Variants in NT5C3B observed in about 807,000 individuals in gnomAD.
NT5C3B encodes the protein 7-methylguanosine phosphate-specific 5'-nucleotidase.
NT5C3B carries 28 observed loss-of-function variants against 32.5 expected under a neutral mutation model. The ratio of observed to expected loss-of-function variants is 0.86; its 90% CI spans 0.64 to 1.18. The LOEUF is 1.18. NT5C3B is among the 50% of genes most tolerant of loss of function. The pLI is 0.00. For missense variants in NT5C3B, 317 were observed against 322.0 expected (o/e 0.98, Z 0.12); for synonymous variants, 138 against 118.0 (o/e 1.17, Z -1.10).
chr17:41,829,053 GCT>G, intron 6 of NT5C3B, 101 bp from the exon 7 acceptor site: 2 of 1,022,230 alleles, frequency 2.0e-6, no homozygotes, highest in South Asian at 1.6e-5. Context: ...ACAGGGTCTT[GCT>G]CTGTTGCCCA....
intron 4 of NT5C3B, 116 bp from the exon 5 acceptor site, chr17:41,832,593 G>T: frequency 1.4e-6 from 1 of 731,038 alleles, no homozygotes. Context: ...CATGGCCAGG[G>T]GCGGTGGCTC....
chr17:41,827,367 T>TA, intron 8 of NT5C3B, 59 bp downstream of exon 8: 1 of 798,480 alleles, frequency 1.3e-6, no homozygotes, highest in Non-Finnish European at 2.2e-6. Context: ...AGGCATTTGT[T>TA]AATGGGCATT....
chr17:41,836,093 G>A (rs1417473608), intron 1 of NT5C3B, 89 bp downstream of exon 1: 17 of 1,345,088 alleles, frequency 1.3e-5, no homozygotes, highest in South Asian at 2.1e-5. Flanking sequence ...GTGAAGCGGC[G>A]GTGCCTCGGT....
At chr17:41,829,213 G>C (rs1486838569) in intron 6 of NT5C3B, among the ~76,000 whole-genome samples, 1 of 151,950 alleles carries the variant, frequency 6.6e-6, no homozygotes, top group Non-Finnish European at 1.5e-5. Flanking sequence ...GTAAAGACGG[G>C]GTTTTCCTCT....
At chr17:41,832,552 T>C (rs1244694490) in intron 4 of NT5C3B, 75 bp from the exon 5 acceptor site, 3 of 1,405,200 alleles carry the variant, frequency 2.1e-6, no homozygotes, top group Non-Finnish European at 3.0e-6. Context: ...CAGCTTAGTA[T>C]GAGAAAAAAG....
rs368019748 is a variant in NT5C3B at position 41,832,438 on chromosome 17, C to T, written c.268G>A (p.Asp90Asn). ...TTCTCCTTGACGGTCCGGTGTGGGT[C>T]GATCTCAATTGGGTAATAGTGGTGA... is the stretch of plus-strand genomic sequence containing the variant. ...LLHHYYPIEIDPHRTVKEKLP... is the reference protein window; with the variant it reads ...LLHHYYPIEINPHRTVKEKLP... The change falls in exon 5 of 9, where the codon GAC (aspartate) becomes AAC (asparagine). Residue 90 changes from aspartate (D) to asparagine (N), a missense_variant. Asp to Asn is a conservative substitution (Grantham distance 23). Coordinates refer to ENST00000435506, the MANE Select transcript of NT5C3B (RefSeq NM_052935.5). 15 of 1,613,598 alleles carry T rather than the reference C, an allele frequency of 9.3e-6. No individual in the cohort carries two copies. The highest frequency in any genetic ancestry group is 1.3e-5 in the Non-Finnish European group (15 of 1,179,802).
intron 6 of NT5C3B, among the ~76,000 whole-genome samples, chr17:41,830,024 C>G (rs1377937329): frequency 2.0e-5 from 3 of 152,158 alleles, no homozygotes; most frequent in East Asian, 3.8e-4. Flanking sequence ...GATGCACAAC[C>G]CTTGAGGGCA....
At chr17:41,833,415 C>T (rs1389650676) in intron 4 of NT5C3B, among the ~76,000 whole-genome samples, 2 of 152,000 alleles carry the variant, frequency 1.3e-5, no homozygotes, top group Non-Finnish European at 1.5e-5. Flanking sequence ...CTCCCGGGTT[C>T]GAGCAATTCT....
intron 4 of NT5C3B, among the ~76,000 whole-genome samples, chr17:41,833,626 T>C (rs2048089536): frequency 6.6e-6 from 1 of 152,130 alleles, no homozygotes; most frequent in African/African-American, 2.4e-5. Flanking sequence ...GCCTGTTTCT[T>C]TATAAGTTAA....
At position 41,835,470 on chromosome 17, in the gene NT5C3B, C is replaced by T. The variant is rs1278745505; in HGVS notation, c.112-198G>A. 27 of 644,602 alleles carry T rather than the reference C, an allele frequency of 4.2e-5. 1 individual carries two copies. In the Middle Eastern group the frequency reaches 9.3e-4, roughly 22 times the overall value. 39.9% of individuals were successfully genotyped at this position (644,602 alleles called of 1,614,324 possible). A position where few individuals can be genotyped will look rare whatever the true frequency, so the allele number is the denominator to read the frequency against. ...TAGTACCCGTTAACCCTGAGGAAAACGCAGTCTCCTAGTGTGGGGGCAAGG... is the reference window on the plus strand; with the variant it reads ...TAGTACCCGTTAACCCTGAGGAAAATGCAGTCTCCTAGTGTGGGGGCAAGG... On this transcript the variant is annotated intron_variant, in intron 2 of 8. Coordinates refer to ENST00000435506, the MANE Select transcript of NT5C3B (RefSeq NM_052935.5).
In NT5C3B at chr17:41,825,296, T is replaced by C; in HGVS notation, c.*227A>G. 1.9e-6 allele frequency: 1 copy of C among 513,290 alleles called. No homozygotes were observed. Among genetic ancestry groups the C allele is most frequent in the Non-Finnish European group, 3.5e-6 (1 of 287,636 alleles). 31.8% of individuals were successfully genotyped at this position (513,290 alleles called of 1,614,324 possible). A position where few individuals can be genotyped will look rare whatever the true frequency, so the allele number is the denominator to read the frequency against. On this transcript the variant is annotated 3_prime_UTR_variant, in exon 9 of 9. Transcript: ENST00000435506. ...GTAGACAATCCCTAGAGCACTGACA[T>C]GCTGTGGTCCAAGGTTCACCAGGAA...
chr17:41,831,319 C>CAAAAAA (rs71155172), intron 5 of NT5C3B, among the ~76,000 whole-genome samples: 1 of 110,138 alleles, frequency 9.1e-6, no homozygotes. Flanking sequence ...GACTCCATCT[C>CAAAAAA]AAAAAAAAAA....
chr17:41,831,692 A>G (rs1485232590), intron 5 of NT5C3B, among the ~76,000 whole-genome samples: 1 of 152,228 alleles, frequency 6.6e-6, no homozygotes, highest in African/African-American at 2.4e-5. Context: ...GCCAAATGCC[A>G]GCCAGTCCTT....
At chr17:41,826,012 G>A (rs6503667) in intron 8 of NT5C3B, among the ~76,000 whole-genome samples, 115,956 of 151,898 alleles carry the variant, frequency 0.76, 44,526 homozygotes, top group Admixed American at 0.84. Context: ...AAAATTGGCC[G>A]GGCATGGGGG....
At chr17:41,835,745 T>C (rs547578525) in intron 2 of NT5C3B, 114 bp downstream of exon 2, 13 of 1,103,840 alleles carry the variant, frequency 1.2e-5, no homozygotes, top group Admixed American at 2.0e-5. Context: ...CGGCCATTTC[T>C]TGGGGCAGAG....
At chr17:41,834,393 T>C (rs200410161) in intron 4 of NT5C3B, among the ~76,000 whole-genome samples, 109 of 139,722 alleles carry the variant, frequency 7.8e-4, no homozygotes, top group Middle Eastern at 7.4e-3. Context: ...AAAAAAAAAA[T>C]ACACACACAC....
intron 8 of NT5C3B, among the ~76,000 whole-genome samples, chr17:41,826,844 T>C (rs2047973346): frequency 6.6e-6 from 1 of 151,384 alleles, no homozygotes; most frequent in African/African-American, 2.4e-5. Flanking sequence ...CTACTAAAAA[T>C]ACAAAATGAA....
intron 7 of NT5C3B, among the ~76,000 whole-genome samples, chr17:41,827,838 A>G (rs1185666678): frequency 6.6e-6 from 1 of 152,262 alleles, no homozygotes; most frequent in Non-Finnish European, 1.5e-5. Context: ...ATTTGTTTAC[A>G]TGATGCCTAT....
intron 5 of NT5C3B, among the ~76,000 whole-genome samples, 200 bp from the exon 6 acceptor site, chr17:41,831,090 G>A (rs1200251201): frequency 7.9e-5 from 12 of 152,142 alleles, no homozygotes; most frequent in African/African-American, 1.2e-4. Flanking sequence ...AGGTCAAGGC[G>A]GGTGGATCAC....
Sources: allele counts gnomAD v4.1 joint callset (sites outside exome capture counted in the v4.1 genomes callset), GRCh38; gene constraint gnomAD v4.1.1; transcripts MANE v1.5; gene names NCBI Gene and HGNC (gene_info 2026-07-23, HGNC 2026-07-21).